Variants in CCSER1 observed in about 807,000 individuals in gnomAD.
The protein encoded by CCSER1 is coiled-coil serine rich protein 1, also known as serine-rich coiled-coil domain-containing protein 1.
CCSER1 carries 41 observed loss-of-function variants against 82.0 expected under a neutral mutation model. The observed-to-expected ratio is 0.50, with a 90% CI of 0.39 to 0.65. The LOEUF is 0.65. Among genes scored for constraint, CCSER1 ranks in the 30% least tolerant of loss-of-function variants. CCSER1 has a pLI of 0.00. For missense variants in CCSER1, 1,119 were observed against 1,064.2 expected (o/e 1.05, Z -0.72); for synonymous variants, 414 against 383.9 (o/e 1.08, Z -0.92).
At chr4:90,484,370 C>T (rs930828930) in intron 5 of CCSER1, among the ~76,000 whole-genome samples, 11 of 152,230 alleles carry the variant, frequency 7.2e-5, no homozygotes, top group African/African-American at 2.6e-4. Flanking sequence ...GTTCTCTCAA[C>T]TCATCAAAGT....
chr4:90,778,643 G>T (rs1753295005), intron 7 of CCSER1, among the ~76,000 whole-genome samples: 1 of 151,224 alleles, frequency 6.6e-6, no homozygotes, highest in Admixed American at 6.6e-5. Context: ...CTTGCCATGT[G>T]CTTGTGGAGC....
At chr4:91,216,476 C>T (rs1424668686) in intron 10 of CCSER1, among the ~76,000 whole-genome samples, 10 of 152,084 alleles carry the variant, frequency 6.6e-5, no homozygotes, top group Non-Finnish European at 1.3e-4. Flanking sequence ...CGTGCCACCA[C>T]ACCCGGCTAA....
intron 1 of CCSER1, among the ~76,000 whole-genome samples, chr4:90,216,896 T>C (rs1426228133): frequency 2.6e-5 from 4 of 152,234 alleles, no homozygotes; most frequent in East Asian, 1.9e-4. Flanking sequence ...TTAACAATGA[T>C]TGATTCTTCC....
chr4:90,196,345 C>G (rs938242917), intron 1 of CCSER1, among the ~76,000 whole-genome samples: 1 of 151,984 alleles, frequency 6.6e-6, no homozygotes, highest in African/African-American at 2.4e-5. Context: ...AGATCCTTTT[C>G]GAGACTTCCA....
chr4:90,578,635 T>G (rs1781044110), intron 5 of CCSER1, among the ~76,000 whole-genome samples: 2 of 152,292 alleles, frequency 1.3e-5, no homozygotes, highest in African/African-American at 4.8e-5. Context: ...CATCTCAACT[T>G]CAGCTGATTG....
chr4:90,739,120 C>T (rs1746122912), intron 7 of CCSER1, among the ~76,000 whole-genome samples: 1 of 152,240 alleles, frequency 6.6e-6, no homozygotes, highest in Non-Finnish European at 1.5e-5. Context: ...AGGCAAGTGG[C>T]AAGTACTGCC....
intron 10 of CCSER1, among the ~76,000 whole-genome samples, chr4:91,149,286 A>C (rs1052696000): frequency 6.6e-6 from 1 of 152,190 alleles, no homozygotes; most frequent in African/African-American, 2.4e-5. Context: ...TCTTCTTTGG[A>C]GAAGTGTCTG....
chr4:90,600,711 A>T (rs575721962), intron 5 of CCSER1, among the ~76,000 whole-genome samples: 3 of 151,658 alleles, frequency 2.0e-5, no homozygotes, highest in East Asian at 3.9e-4. Flanking sequence ...TGTCCTTTAA[A>T]TTTTTTTTAA....
chr4:90,204,292 C>T (rs1404717176), intron 1 of CCSER1, among the ~76,000 whole-genome samples: 1 of 152,076 alleles, frequency 6.6e-6, no homozygotes, highest in African/African-American at 2.4e-5. Flanking sequence ...ATGGTATTGC[C>T]TAGGTTATCT....
At chr4:90,511,374 C>T (rs1040795108) in intron 5 of CCSER1, among the ~76,000 whole-genome samples, 17 of 152,150 alleles carry the variant, frequency 1.1e-4, no homozygotes, top group African/African-American at 2.9e-4. Context: ...GCCGAGATTG[C>T]ACCACTGCAC....
intron 5 of CCSER1, among the ~76,000 whole-genome samples, chr4:90,516,721 T>C (rs1772338891): frequency 6.7e-6 from 1 of 148,482 alleles, no homozygotes; most frequent in Non-Finnish European, 1.5e-5. Context: ...GAGCGCAAGG[T>C]CAAAGAGGTT....
intron 7 of CCSER1, among the ~76,000 whole-genome samples, chr4:90,792,914 C>A (rs1755468359): frequency 6.6e-6 from 1 of 152,072 alleles, no homozygotes; most frequent in South Asian, 2.1e-4. Flanking sequence ...AGGGCTGGTA[C>A]CTGGAGTGTG....
At chr4:90,484,781 C>A (rs533153129) in intron 5 of CCSER1, among the ~76,000 whole-genome samples, 2 of 152,180 alleles carry the variant, frequency 1.3e-5, no homozygotes, top group Non-Finnish European at 2.9e-5. Context: ...TGTCAATCTG[C>A]CCCTACTGGG....
At chr4:91,252,662 C>A (rs1183820212) in intron 10 of CCSER1, among the ~76,000 whole-genome samples, 3 of 152,060 alleles carry the variant, frequency 2.0e-5, no homozygotes, top group Admixed American at 6.6e-5. Flanking sequence ...AATTCTGTGA[C>A]CTTGCCAACC....
At chr4:90,332,212 C>G (rs188590877) in intron 3 of CCSER1, among the ~76,000 whole-genome samples, 5 of 151,818 alleles carry the variant, frequency 3.3e-5, no homozygotes, top group African/African-American at 1.2e-4. Context: ...CACGTCGCTA[C>G]AGTTTTCATA....
intron 6 of CCSER1, among the ~76,000 whole-genome samples, chr4:90,701,119 T>C (rs1738022639): frequency 1.3e-5 from 2 of 152,266 alleles, no homozygotes; most frequent in South Asian, 4.1e-4. Flanking sequence ...GGTTTTAGGT[T>C]TAACATTGAA....
At chr4:91,421,470 C>T (rs1560657868) in intron 10 of CCSER1, among the ~76,000 whole-genome samples, 1 of 152,120 alleles carries the variant, frequency 6.6e-6, no homozygotes, top group East Asian at 1.9e-4. Context: ...ATGGATGTCC[C>T]AACTTTGGAA....
intron 1 of CCSER1, among the ~76,000 whole-genome samples, chr4:90,224,035 G>T (rs1298425229): frequency 6.6e-6 from 1 of 152,192 alleles, no homozygotes; most frequent in Non-Finnish European, 1.5e-5. Context: ...GCTAATGTAA[G>T]TGCATATTGC....
At chr4:91,534,672 A>G (rs1188140366) in intron 10 of CCSER1, among the ~76,000 whole-genome samples, 1 of 151,990 alleles carries the variant, frequency 6.6e-6, no homozygotes, top group Non-Finnish European at 1.5e-5. Context: ...TTATTGCCTT[A>G]TATAATTTCT....
Sources: allele counts gnomAD v4.1 joint callset (sites outside exome capture counted in the v4.1 genomes callset), GRCh38; gene constraint gnomAD v4.1.1; transcripts MANE v1.5; gene names NCBI Gene and HGNC (gene_info 2026-07-23, HGNC 2026-07-21).